The following MPP7 variants were observed in gnomAD, a reference collection of about 807,000 sequenced individuals.
The protein encoded by MPP7 is MAGUK p55 scaffold protein 7, also known as MAGUK p55 subfamily member 7.
A neutral mutation model predicts 76.5 loss-of-function variants in MPP7; 60 were observed. The observed-to-expected ratio is 0.78, with a 90% CI of 0.64 to 0.97. The LOEUF is 0.97. Ranked by LOEUF, MPP7 falls within the 50% of genes least tolerant of loss-of-function variation. The pLI is 0.00. For synonymous variants in MPP7, 237 were observed against 244.5 expected, an observed-to-expected ratio of 0.97 and a Z score of 0.29; for missense variants, 641 against 694.0, an observed-to-expected ratio of 0.92 and a Z score of 0.86.
At chr10:28,214,148 T>C (rs895434472) in intron 2 of MPP7, among the ~76,000 whole-genome samples, 7 of 152,312 alleles carry the variant, frequency 4.6e-5, no homozygotes, top group Middle Eastern at 6.8e-3. Context: ...AATTTCCAAA[T>C]TGCATTTTTA....
chr10:28,085,162 T>C (rs1852944229), intron 12 of MPP7, among the ~76,000 whole-genome samples: 1 of 152,218 alleles, frequency 6.6e-6, no homozygotes, highest in Non-Finnish European at 1.5e-5. Context: ...GAAGCCATAT[T>C]CTACAGTAAG....
At chr10:28,189,568 C>A (rs2133940368) in intron 3 of MPP7, among the ~76,000 whole-genome samples, 1 of 40,192 alleles carries the variant, frequency 2.5e-5, no homozygotes. Context: ...AAGACCCTGT[C>A]TCAAAAAAAA....
At chr10:28,272,578 T>C (rs1461517895) in intron 1 of MPP7, among the ~76,000 whole-genome samples, 1 of 152,214 alleles carries the variant, frequency 6.6e-6, no homozygotes, top group African/African-American at 2.4e-5. Flanking sequence ...TTCATTCCAG[T>C]AGCAATTGCT....
Position 28,284,089 on chromosome 10 carries a change from CTG to C in MPP7, c.-132+18770_-132+18771del, listed in dbSNP as rs934076359. 9.2e-5 allele frequency among the ~76,000 whole-genome samples: 14 copies of C among 152,150 alleles called. No homozygotes were observed. The South Asian group carries it at 1.7e-3, about 18-fold the overall frequency. On this transcript the variant is annotated intron_variant, in intron 1 of 16. Transcript: ENST00000683449. ...GAAATCATTTATTAAGTGTAAGACA[CTG>C]AACTGAAAACAACTGAACAGATCTT...
At chr10:28,249,597 G>T (rs765652929) in intron 1 of MPP7, among the ~76,000 whole-genome samples, 5 of 152,072 alleles carry the variant, frequency 3.3e-5, no homozygotes, top group Non-Finnish European at 7.4e-5. Flanking sequence ...GCCAAAAAAG[G>T]TCATATGTGC....
chr10:28,064,914 T>G (rs1851931577), intron 13 of MPP7, among the ~76,000 whole-genome samples: 2 of 152,142 alleles, frequency 1.3e-5, no homozygotes, highest in African/African-American at 4.8e-5. Flanking sequence ...CACTAAAGTT[T>G]TGCAGCAGAA....
At chr10:28,187,292 T>C (rs2133932386) in intron 3 of MPP7, among the ~76,000 whole-genome samples, 1 of 152,332 alleles carries the variant, frequency 6.6e-6, no homozygotes, top group Non-Finnish European at 1.5e-5. Flanking sequence ...GAGTATGAAT[T>C]ACAAAGGCAA....
chr10:28,072,217 T>C (rs74818997), intron 12 of MPP7, among the ~76,000 whole-genome samples: 3 of 152,258 alleles, frequency 2.0e-5, no homozygotes, highest in East Asian at 3.9e-4. Context: ...GAGGTTGCAG[T>C]AAGCCAAGAT....
At chr10:28,317,476 A>C (rs1311717395) in intron 2 of MPP7, among the ~76,000 whole-genome samples, 2 of 152,200 alleles carry the variant, frequency 1.3e-5, no homozygotes, top group East Asian at 1.9e-4. Context: ...GGCTGCAGTG[A>C]GCTGTGACCA....
intron 1 of MPP7, among the ~76,000 whole-genome samples, chr10:28,241,848 C>T (rs1248939238): frequency 6.6e-6 from 1 of 152,104 alleles, no homozygotes; most frequent in Non-Finnish European, 1.5e-5. Flanking sequence ...TACCTTGCTT[C>T]TATATATCAC....
intron 11 of MPP7, among the ~76,000 whole-genome samples, chr10:28,103,761 A>G (rs1232060878): frequency 6.6e-6 from 1 of 152,120 alleles, no homozygotes; most frequent in Non-Finnish European, 1.5e-5. Flanking sequence ...TATAAAATCC[A>G]GAAATAGCAT....
At chr10:28,060,041 GA>G (rs551099102) in intron 13 of MPP7, among the ~76,000 whole-genome samples, 4 of 142,538 alleles carry the variant, frequency 2.8e-5, no homozygotes, top group Admixed American at 2.8e-4. Flanking sequence ...AACTCCTGAG[GA>G]AAAAAACCTT....
At chr10:28,161,466 A>C (rs977830647) in intron 3 of MPP7, among the ~76,000 whole-genome samples, 12 of 147,114 alleles carry the variant, frequency 8.2e-5, no homozygotes, top group Non-Finnish European at 1.8e-4. Flanking sequence ...TTCTTTTTTC[A>C]ATAGAACATG....
intron 11 of MPP7, among the ~76,000 whole-genome samples, chr10:28,091,335 T>C (rs575226814): frequency 7.3e-5 from 11 of 151,434 alleles, no homozygotes; most frequent in Non-Finnish European, 1.6e-4. Flanking sequence ...TTGTCCAGGC[T>C]AGAGTGCAAT....
At chr10:28,262,916 A>G (rs1030661697) in intron 1 of MPP7, among the ~76,000 whole-genome samples, 7 of 152,070 alleles carry the variant, frequency 4.6e-5, no homozygotes, top group Admixed American at 1.3e-4. Context: ...ATTAGCCAGG[A>G]GAGGTGGCAT....
chr10:28,193,936 A>C (rs1369350187), intron 3 of MPP7, among the ~76,000 whole-genome samples: 1 of 151,720 alleles, frequency 6.6e-6, no homozygotes, highest in East Asian at 1.9e-4. Flanking sequence ...AGCTACAGGG[A>C]CTCTCACTCA....
At chr10:28,289,426 C>T (rs971090456) in intron 1 of MPP7, 1 of 152,202 alleles carries the variant, frequency 6.6e-6, no homozygotes, top group Non-Finnish European at 1.5e-5. Flanking sequence ...AACAGCCATC[C>T]CAACCAACAG....
intron 2 of MPP7, among the ~76,000 whole-genome samples, chr10:28,208,654 T>C (rs1468578732): frequency 6.6e-6 from 1 of 152,134 alleles, no homozygotes; most frequent in African/African-American, 2.4e-5. Context: ...CATTGTCCCA[T>C]CCAGTGCCCT....
At chr10:28,180,153 A>C (rs1837014248) in intron 3 of MPP7, among the ~76,000 whole-genome samples, 1 of 152,234 alleles carries the variant, frequency 6.6e-6, no homozygotes, top group Non-Finnish European at 1.5e-5. Context: ...TCGCTTGCTA[A>C]GCAAAAATAA....
Sources: gnomAD v4.1 joint callset for allele counts (sites outside exome capture counted in the v4.1 genomes callset) on GRCh38, gnomAD v4.1.1 for gene constraint, MANE v1.5 for transcripts, NCBI Gene and HGNC (gene_info 2026-07-23, HGNC 2026-07-21) for gene names.